The following SND1 variants were observed in gnomAD, a reference collection of about 807,000 sequenced individuals.
SND1 encodes staphylococcal nuclease domain-containing protein 1.
SND1 carries 38 observed loss-of-function variants against 121.7 expected under a neutral mutation model. The ratio of observed to expected loss-of-function variants is 0.31; its 90% CI spans 0.24 to 0.41. The LOEUF is 0.41. Ranked by LOEUF, SND1 falls within the 10% of genes least tolerant of loss-of-function variation. The pLI is 1.00. For missense variants in SND1, 868 were observed against 1,184.6 expected (o/e 0.73, Z 3.92); for synonymous variants, 401 against 447.4 (o/e 0.90, Z 1.31).
intron 10 of SND1, among the ~76,000 whole-genome samples, chr7:127,738,328 A>G (rs868562448): frequency 2.4e-5 from 3 of 126,374 alleles, no homozygotes; most frequent in South Asian, 4.8e-4. Context: ...CTTGTTGCCC[A>G]GGCTGGAGTG....
intron 12 of SND1, among the ~76,000 whole-genome samples, chr7:127,877,732 C>T (rs16871926): frequency 0.28 from 43,015 of 151,922 alleles, 7,647 homozygotes; most frequent in East Asian, 0.71. Flanking sequence ...CGCGTCCAGC[C>T]GATCACCCAC....
intron 16 of SND1, among the ~76,000 whole-genome samples, chr7:128,009,564 T>C (rs776907635): frequency 2.0e-5 from 3 of 152,168 alleles, no homozygotes; most frequent in Non-Finnish European, 4.4e-5. Context: ...TGAAATATGG[T>C]TTATACAACT....
chr7:128,016,724 T>G (rs188151375), intron 16 of SND1, among the ~76,000 whole-genome samples: 58 of 152,354 alleles, frequency 3.8e-4, no homozygotes, highest in African/African-American at 1.1e-3. Flanking sequence ...GCAGTCAATT[T>G]CTTGTTCTTC....
At chr7:128,007,974 TTTCATGGTAGAGCCAGTCTCCACA>T (rs767472211) in intron 16 of SND1, 2 of 152,186 alleles carry the variant, frequency 1.3e-5, no homozygotes, top group African/African-American at 4.8e-5. Flanking sequence ...ACATGGTAAA[TTTCATGGTAGAGCCAGTCTCCACA>T]TTCCTACTGT....
At chr7:127,896,528 G>A (rs138912278) in intron 13 of SND1, among the ~76,000 whole-genome samples, 2,188 of 152,176 alleles carry the variant, frequency 0.014, 37 homozygotes, top group Non-Finnish European at 0.018. Context: ...TGATTCTGAT[G>A]CACACTAAAA....
chr7:128,036,973 TA>T (rs1792761910), intron 16 of SND1, among the ~76,000 whole-genome samples: 1 of 152,348 alleles, frequency 6.6e-6, no homozygotes, highest in East Asian at 1.9e-4. Flanking sequence ...AAGTTACACA[TA>T]TTTACTCCTC....
intron 11 of SND1, among the ~76,000 whole-genome samples, chr7:127,843,532 A>G (rs143090839): frequency 1.7e-4 from 26 of 152,268 alleles, no homozygotes; most frequent in African/African-American, 4.8e-4. Context: ...ACTTAGTAAT[A>G]TATGTCTAAG....
chr7:128,032,408 C>T (rs1391500191), intron 16 of SND1, among the ~76,000 whole-genome samples: 11 of 151,366 alleles, frequency 7.3e-5, no homozygotes, highest in Admixed American at 5.3e-4. Flanking sequence ...GAGTGAGCGT[C>T]AAGTGAGGGG....
In SND1 at chr7:127,997,290, T is replaced by C. The variant is rs74570210; in HGVS notation, c.1779+6234T>C. Among the ~76,000 whole-genome samples, 85 of 152,310 alleles carry C rather than the reference T, an allele frequency of 5.6e-4. No homozygotes were observed. In the East Asian group the frequency reaches 0.014, roughly 26 times the overall value. ...GCCATATTTTACCATTTTTCAACCA[T>C]AGAATATCTGGAACTAGTTAAAGGA... On this transcript the variant is annotated intron_variant, in intron 16 of 23. Transcript: ENST00000354725.
chr7:128,088,341 G>T (rs986838082), intron 21 of SND1, among the ~76,000 whole-genome samples: 1 of 149,802 alleles, frequency 6.7e-6, no homozygotes, highest in African/African-American at 2.5e-5. Context: ...CTCCCAGCTA[G>T]TCCCAGCTAT....
intron 14 of SND1, among the ~76,000 whole-genome samples, chr7:127,922,180 T>TTTTTTTG: frequency 2.7e-5 from 2 of 74,134 alleles, no homozygotes; most frequent in African/African-American, 4.9e-5. Context: ...CTTTCCTTTT[T>TTTTTTTG]TTTTTTTTTT....
intron 16 of SND1, among the ~76,000 whole-genome samples, chr7:128,001,958 C>A (rs1802843901): frequency 6.6e-6 from 1 of 152,126 alleles, no homozygotes; most frequent in African/African-American, 2.4e-5. Context: ...AAAAGAAATT[C>A]TCTCAGGGCT....
intron 14 of SND1, among the ~76,000 whole-genome samples, chr7:127,911,522 CTCTT>C (rs1388156036): frequency 1.3e-5 from 2 of 151,914 alleles, no homozygotes; most frequent in Non-Finnish European, 2.9e-5. Flanking sequence ...TTTTCTCTCT[CTCTT>C]TCTCTCTTTT....
chr7:127,968,460 T>G (rs1801904882), intron 15 of SND1, among the ~76,000 whole-genome samples: 1 of 152,216 alleles, frequency 6.6e-6, no homozygotes, highest in African/African-American at 2.4e-5. Flanking sequence ...AGTCCACTTT[T>G]TACTCTTCTA....
intron 10 of SND1, among the ~76,000 whole-genome samples, chr7:127,772,399 G>T (rs1043841050): frequency 4.6e-5 from 7 of 152,172 alleles, no homozygotes; most frequent in African/African-American, 1.7e-4. Context: ...CAGTCCTAGA[G>T]AGATGCTTCT....
chr7:127,757,806 A>G (rs1482642355), intron 10 of SND1, among the ~76,000 whole-genome samples: 1 of 152,188 alleles, frequency 6.6e-6, no homozygotes, highest in African/African-American at 2.4e-5. Flanking sequence ...TTTTGTGAAT[A>G]TCTTCTAATT....
intron 15 of SND1, among the ~76,000 whole-genome samples, chr7:127,985,888 G>A (rs916393018): frequency 4.6e-5 from 7 of 152,176 alleles, no homozygotes; most frequent in Middle Eastern, 3.2e-3. Flanking sequence ...AGAACACAGC[G>A]GGCATGCAGT....
intron 11 of SND1, among the ~76,000 whole-genome samples, chr7:127,833,970 G>GTT (rs146414745): frequency 5.4e-5 from 8 of 149,154 alleles, no homozygotes; most frequent in African/African-American, 1.7e-4. Flanking sequence ...TTGTAAGTAA[G>GTT]TTTTTTTTTT....
At chr7:128,000,848 C>T (rs940555686) in intron 16 of SND1, among the ~76,000 whole-genome samples, 1 of 152,188 alleles carries the variant, frequency 6.6e-6, no homozygotes, top group African/African-American at 2.4e-5. Flanking sequence ...GCCTGAGCCA[C>T]CAGCAGAGCA....
Sources: gnomAD v4.1 joint callset for allele counts (sites outside exome capture counted in the v4.1 genomes callset) on GRCh38, gnomAD v4.1.1 for gene constraint, MANE v1.5 for transcripts, NCBI Gene and HGNC (gene_info 2026-07-23, HGNC 2026-07-21) for gene names.